NVL: variants seen among roughly 807,000 people sequenced by gnomAD.
NVL encodes nuclear VCP like, also known as nuclear valosin-containing protein-like.
Under a neutral mutation model 110.2 loss-of-function variants are expected in NVL, and 84 were observed. The observed-to-expected ratio is 0.76, with a 90% CI of 0.64 to 0.91. The LOEUF (loss-of-function observed/expected upper bound fraction) is 0.91, where lower values mean the gene tolerates loss of function less well. Ranked by LOEUF, NVL falls within the 40% of genes least tolerant of loss-of-function variation. The probability of loss-of-function intolerance (pLI) is 0.00; values close to 1 mark genes in which losing one functional copy is unlikely to be tolerated. For synonymous variants in NVL, 354 were observed against 361.1 expected, an observed-to-expected ratio of 0.98 and a Z score of 0.22; for missense variants, 882 against 1,035.9, an observed-to-expected ratio of 0.85 and a Z score of 2.04.
chr1:224,245,497 G>A (rs974620782), intron 19 of NVL, among the ~76,000 whole-genome samples: 1 of 152,188 alleles, frequency 6.6e-6, no homozygotes, highest in Non-Finnish European at 1.5e-5. Context: ...CTCCTCCTGG[G>A]CAGCTCTGCC....
At chr1:224,317,849 G>A in intron 3 of NVL, 29 bp downstream of exon 3, 1 of 1,493,932 alleles carries the variant, frequency 6.7e-7, no homozygotes, top group Non-Finnish European at 9.0e-7. Context: ...TAACTTTATT[G>A]ATAATTTAGC....
At chr1:224,267,688 A>C (rs941705771) in intron 18 of NVL, among the ~76,000 whole-genome samples, 5 of 146,620 alleles carry the variant, frequency 3.4e-5, no homozygotes, top group African/African-American at 1.2e-4. Context: ...TTCTGTCTCA[A>C]AAAAAAAAAA....
At position 224,295,826 on chromosome 1, in the gene NVL, T is replaced by C. The variant is rs532171442; in HGVS notation, c.1180+675A>G. On this transcript the variant is annotated intron_variant, in intron 11 of 22. Transcript: ENST00000281701. The stretch of plus-strand genomic sequence containing the variant: ...CACCCCGTCTCAAAAATCAGCCAGG[T>C]GTGGTGGCACGCACCTGTAATCCCA... 2.6e-5 allele frequency among the ~76,000 whole-genome samples: 4 copies of C among 151,368 alleles called. No individual in the cohort carries two copies. The East Asian group carries it at 7.8e-4, about 30-fold the overall frequency.
intron 17 of NVL, among the ~76,000 whole-genome samples, chr1:224,269,211 C>T (rs1664807747): frequency 6.6e-6 from 1 of 151,898 alleles, no homozygotes; most frequent in African/African-American, 2.4e-5. Flanking sequence ...CCTCAGCCTC[C>T]CAAGTAGCTG....
intron 18 of NVL, among the ~76,000 whole-genome samples, chr1:224,265,384 G>C (rs973727501): frequency 2.2e-4 from 33 of 151,878 alleles, no homozygotes; most frequent in African/African-American, 8.0e-4. Context: ...CGTGCCTGTA[G>C]TCCCAGCTAC....
intron 18 of NVL, among the ~76,000 whole-genome samples, chr1:224,254,678 G>C (rs1351855605): frequency 6.6e-5 from 10 of 150,496 alleles, no homozygotes; most frequent in Admixed American, 6.0e-4. Flanking sequence ...GCCTCCCAAA[G>C]TGGTGGGATT....
At position 224,281,178 on chromosome 1, in the gene NVL, G is replaced by A; in HGVS notation, c.1907C>T (p.Ala636Val). 1 of 1,613,500 alleles carries A rather than the reference G, an allele frequency of 6.2e-7. No homozygotes were observed. ...TATAAAATTTAGTCCGGACTCATTT[G>A]CAACAGCCTAGCAAGAGGAAACAAA... is the stretch of plus-strand genomic sequence containing the variant. ...CGKTLLAKAV[A>V]NESGLNFISV... Residue 636 changes from alanine (A) to valine (V), a missense_variant, in exon 16 of 23, where the codon GCA (alanine) becomes GTA (valine). This residue lies in a region of NVL where 416 missense variants were observed against 499.3 expected (regional missense o/e 0.83). Coordinates refer to ENST00000281701, the MANE Select transcript of NVL (RefSeq NM_002533.4).
chr1:224,237,489 C>A lies in NVL; in HGVS notation c.2290-907G>T, dbSNP rs192025997. ...GAGACTGGATGTAGAGGAAAAAAAA[C>A]CAACCCAGAATTTTAACACTTAACC... On this transcript the variant is annotated intron_variant, in intron 19 of 22. Transcript: ENST00000281701. Among the ~76,000 whole-genome samples, 587 of 152,224 alleles carry A rather than the reference C, an allele frequency of 3.9e-3. 4 individuals are homozygous for A. Among genetic ancestry groups the A allele is most frequent in the African/African-American group, 0.012 (492 of 41,546 alleles).
At chr1:224,327,207 C>T (rs1671232053) in intron 1 of NVL, among the ~76,000 whole-genome samples, 1 of 151,934 alleles carries the variant, frequency 6.6e-6, no homozygotes, top group Admixed American at 6.6e-5. Context: ...CTTTGAGAGG[C>T]CAAGGCGGGA....
intron 16 of NVL, among the ~76,000 whole-genome samples, chr1:224,277,012 T>TAG (rs1325298457): frequency 6.7e-6 from 1 of 148,888 alleles, no homozygotes; most frequent in East Asian, 2.0e-4. Flanking sequence ...ATAAAACTGT[T>TAG]TTACTATCAT....
intron 1 of NVL, among the ~76,000 whole-genome samples, chr1:224,327,059 T>A (rs1168616745): frequency 1.3e-5 from 2 of 152,058 alleles, no homozygotes; most frequent in African/African-American, 4.8e-5. Flanking sequence ...GGGAGATCGC[T>A]TAAGCCCAGA....
intron 21 of NVL, among the ~76,000 whole-genome samples, chr1:224,231,793 G>A (rs765397034): frequency 3.3e-5 from 5 of 151,984 alleles, no homozygotes; most frequent in Non-Finnish European, 5.9e-5. Context: ...TTGGGAGGCC[G>A]AGGTGGGCGG....
chr1:224,235,941 A>G (rs1660419163), intron 20 of NVL, among the ~76,000 whole-genome samples: 1 of 150,634 alleles, frequency 6.6e-6, no homozygotes, highest in African/African-American at 2.4e-5. Flanking sequence ...TGGAAAAAAA[A>G]AAAAGAAAAA....
intron 15 of NVL, among the ~76,000 whole-genome samples, chr1:224,284,950 AG>A (rs1186866919): frequency 2.0e-5 from 3 of 152,216 alleles, no homozygotes; most frequent in Non-Finnish European, 4.4e-5. Flanking sequence ...TTATTAGTCA[AG>A]GTACAAAAAT....
At chr1:224,243,009 C>T (rs890878565) in intron 19 of NVL, among the ~76,000 whole-genome samples, 2 of 150,696 alleles carry the variant, frequency 1.3e-5, no homozygotes, top group Non-Finnish European at 3.0e-5. Flanking sequence ...ATGAGATCAC[C>T]TCATTCAGGT....
intron 18 of NVL, among the ~76,000 whole-genome samples, chr1:224,260,075 G>C (rs1432646394): frequency 6.6e-6 from 1 of 152,126 alleles, no homozygotes; most frequent in East Asian, 1.9e-4. Flanking sequence ...CTGTGCCAAA[G>C]GGCAAAACAT....
intron 5 of NVL, among the ~76,000 whole-genome samples, chr1:224,308,830 G>T (rs1254489429): frequency 6.6e-6 from 1 of 152,108 alleles, no homozygotes; most frequent in African/African-American, 2.4e-5. Context: ...GGGAAGCCGA[G>T]GCGGGCGGAT....
chr1:224,297,314 C>T (rs1667973706), intron 10 of NVL, among the ~76,000 whole-genome samples: 1 of 152,140 alleles, frequency 6.6e-6, no homozygotes, highest in Non-Finnish European at 1.5e-5. Context: ...TGGTAAAGTT[C>T]TAATACATCA....
At chr1:224,244,933 G>A (rs908117478) in intron 19 of NVL, among the ~76,000 whole-genome samples, 8 of 152,070 alleles carry the variant, frequency 5.3e-5, no homozygotes, top group East Asian at 3.9e-4. Context: ...TGATCCGCCC[G>A]CCTTGGCCTC....
Sources: gnomAD v4.1 joint callset for allele counts (sites outside exome capture counted in the v4.1 genomes callset) on GRCh38, gnomAD v4.1.1 for gene constraint, gnomAD v4.1.1 regional missense constraint, MANE v1.5 for transcripts, NCBI Gene and HGNC (gene_info 2026-07-23, HGNC 2026-07-21) for gene names.